Variants in CSMD1 observed in about 807,000 individuals in gnomAD.
CSMD1 encodes CUB and Sushi multiple domains 1, also known as CUB and sushi domain-containing protein 1.
Under a neutral mutation model 417.5 loss-of-function variants are expected in CSMD1, and 213 were observed. The ratio of observed to expected loss-of-function variants is 0.51; its 90% confidence interval spans 0.46 to 0.57. The LOEUF is 0.57. Ranked by LOEUF, CSMD1 falls within the 20% of genes least tolerant of loss-of-function variation. CSMD1 has a pLI of 0.00. For synonymous variants in CSMD1, 2,862 were observed against 1,736.8 expected, an observed-to-expected ratio of 1.65 and a Z score of -16.11; for missense variants, 6,923 against 4,529.7, an observed-to-expected ratio of 1.53 and a Z score of -15.17.
chr8:4,592,752 C>A (rs578222453), intron 2 of CSMD1, among the ~76,000 whole-genome samples: 40 of 151,934 alleles, frequency 2.6e-4, no homozygotes, highest in African/African-American at 9.2e-4. Context: ...TTTTTATCTA[C>A]GAATTTTAAT....
At chr8:3,870,810 T>C (rs1286557917) in intron 5 of CSMD1, among the ~76,000 whole-genome samples, 4 of 152,138 alleles carry the variant, frequency 2.6e-5, no homozygotes, top group Non-Finnish European at 5.9e-5. Context: ...TTGTAAAACA[T>C]ACACAGGAGA....
intron 3 of CSMD1, among the ~76,000 whole-genome samples, chr8:4,235,335 A>G (rs1442277054): frequency 6.6e-6 from 1 of 151,508 alleles, no homozygotes; most frequent in African/African-American, 2.4e-5. Context: ...AGCCATTCAT[A>G]CTCATTAATC....
chr8:4,363,222 A>T (rs1218307096), intron 3 of CSMD1, among the ~76,000 whole-genome samples: 1 of 152,152 alleles, frequency 6.6e-6, no homozygotes, highest in Non-Finnish European at 1.5e-5. Flanking sequence ...TTCCATGATG[A>T]CCAAGGTCAG....
At chr8:4,627,262 G>A (rs942510894) in intron 2 of CSMD1, among the ~76,000 whole-genome samples, 7 of 152,082 alleles carry the variant, frequency 4.6e-5, no homozygotes, top group African/African-American at 1.4e-4. Context: ...ATGGGGGAAA[G>A]AAGAAAAAGT....
At chr8:3,650,949 C>A (rs1797824215) in intron 7 of CSMD1, among the ~76,000 whole-genome samples, 1 of 152,152 alleles carries the variant, frequency 6.6e-6, no homozygotes, top group African/African-American at 2.4e-5. Flanking sequence ...GCCTGCTTCG[C>A]CCACTATATT....
chr8:4,493,388 T>C (rs891213421), intron 2 of CSMD1, among the ~76,000 whole-genome samples: 24 of 152,150 alleles, frequency 1.6e-4, no homozygotes, highest in African/African-American at 2.4e-4. Context: ...TTACTACTGA[T>C]ACAAACACAT....
chr8:3,425,052 C>T (rs1368015689), intron 12 of CSMD1, among the ~76,000 whole-genome samples: 1 of 152,094 alleles, frequency 6.6e-6, no homozygotes, highest in Non-Finnish European at 1.5e-5. Context: ...GTTGACCAGC[C>T]TGGTTCCAAG....
intron 5 of CSMD1, among the ~76,000 whole-genome samples, chr8:3,887,609 G>A (rs1407847632): frequency 1.3e-5 from 2 of 152,114 alleles, no homozygotes; most frequent in Non-Finnish European, 2.9e-5. Context: ...AGCTCCCCAG[G>A]TAATTCTAAT....
intron 3 of CSMD1, among the ~76,000 whole-genome samples, chr8:4,046,903 G>C (rs981234352): frequency 2.0e-5 from 3 of 152,044 alleles, no homozygotes; most frequent in Non-Finnish European, 2.9e-5. Flanking sequence ...ATCTAAAAAT[G>C]GGCAGAGAGA....
chr8:3,772,297 G>A (rs973185545), intron 5 of CSMD1, among the ~76,000 whole-genome samples: 1 of 127,596 alleles, frequency 7.8e-6, no homozygotes, highest in African/African-American at 3.2e-5. Context: ...ACATACATAT[G>A]TACATATATT....
chr8:4,293,363 C>T (rs1429857914), intron 3 of CSMD1, among the ~76,000 whole-genome samples: 2 of 152,128 alleles, frequency 1.3e-5, no homozygotes, highest in African/African-American at 2.4e-5. Flanking sequence ...ACTAGTAAGT[C>T]CAATCTAAAT....
chr8:4,053,468 G>T (rs1798538610), intron 3 of CSMD1, among the ~76,000 whole-genome samples: 1 of 151,710 alleles, frequency 6.6e-6, no homozygotes, highest in African/African-American at 2.4e-5. Context: ...TGAAGTTCAA[G>T]GTTTTGGCCA....
intron 10 of CSMD1, among the ~76,000 whole-genome samples, chr8:3,538,458 T>C (rs975286224): frequency 2.0e-5 from 3 of 152,052 alleles, no homozygotes; most frequent in East Asian, 3.9e-4. Flanking sequence ...GCACCTGAGA[T>C]GCCTCACCTA....
intron 1 of CSMD1, among the ~76,000 whole-genome samples, chr8:4,979,481 G>GC: frequency 6.6e-6 from 1 of 152,162 alleles, no homozygotes; most frequent in South Asian, 2.1e-4. Flanking sequence ...GAACACTTGA[G>GC]TGTGTGAAAG....
At chr8:4,101,078 G>A (rs1438204805) in intron 3 of CSMD1, among the ~76,000 whole-genome samples, 1 of 152,078 alleles carries the variant, frequency 6.6e-6, no homozygotes, top group Non-Finnish European at 1.5e-5. Flanking sequence ...GACGGCGCTG[G>A]GTTCAGAACT....
Position 3,475,997 on chromosome 8 carries a change from C to G in CSMD1, c.1449-7173G>C, listed in dbSNP as rs540943903. 2.1e-4 allele frequency among the ~76,000 whole-genome samples: 32 copies of G among 152,288 alleles called. No individual in the cohort carries two copies. The East Asian group carries it at 5.4e-3, about 26-fold the overall frequency. ...CAATTTCATCTCTGATCAAATCTTCCCTTTGCACCTTGCTAAATGGTTCAA... is the reference window on the plus strand; with the variant it reads ...CAATTTCATCTCTGATCAAATCTTCGCTTTGCACCTTGCTAAATGGTTCAA... On this transcript the variant is annotated intron_variant, in intron 11 of 69. Transcript: ENST00000635120.
intron 3 of CSMD1, among the ~76,000 whole-genome samples, chr8:4,177,162 T>C (rs1217707500): frequency 2.0e-5 from 3 of 152,066 alleles, no homozygotes; most frequent in Non-Finnish European, 2.9e-5. Flanking sequence ...TATTCCAAAA[T>C]TGACCACATA....
intron 1 of CSMD1, among the ~76,000 whole-genome samples, chr8:4,641,709 G>A (rs773883519): frequency 3.3e-5 from 5 of 152,266 alleles, no homozygotes; most frequent in Non-Finnish European, 7.4e-5. Context: ...CTCATGTATG[G>A]TGATCGAGTC....
chr8:4,390,670 C>G (rs1047266968), intron 3 of CSMD1, among the ~76,000 whole-genome samples: 1 of 151,696 alleles, frequency 6.6e-6, no homozygotes, highest in South Asian at 2.1e-4. Context: ...CCCCCCACCA[C>G]GCCCGGCTAA....
Sources: allele counts gnomAD v4.1 joint callset (sites outside exome capture counted in the v4.1 genomes callset), GRCh38; gene constraint gnomAD v4.1.1; transcripts MANE v1.5; gene names NCBI Gene and HGNC (gene_info 2026-07-23, HGNC 2026-07-21).